The following MS4A4A variants were observed in gnomAD, a reference collection of about 807,000 sequenced individuals.
MS4A4A encodes membrane spanning 4-domains A4A.
A neutral mutation model predicts 28.0 loss-of-function variants in MS4A4A; 26 were observed. The observed-to-expected ratio is 0.93, with a 90% CI of 0.68 to 1.29. The LOEUF is 1.29. MS4A4A is among the 50% of genes most tolerant of loss of function. The pLI, the probability that MS4A4A is intolerant of heterozygous loss-of-function variation, is 0.00. For synonymous variants in MS4A4A, 86 were observed against 100.8 expected, an observed-to-expected ratio of 0.85 and a Z score of 0.88; for missense variants, 290 against 293.1, an observed-to-expected ratio of 0.99 and a Z score of 0.08.
At chr11:60,293,903 C>A (rs973851486) in intron 2 of MS4A4A, among the ~76,000 whole-genome samples, 13 of 152,164 alleles carry the variant, frequency 8.5e-5, no homozygotes, top group African/African-American at 3.1e-4. Context: ...CCAACTTTGG[C>A]AATTAGGAGT....
chr11:60,303,041 C>T (rs1196297367), intron 5 of MS4A4A, among the ~76,000 whole-genome samples: 1 of 152,168 alleles, frequency 6.6e-6, no homozygotes, highest in Non-Finnish European at 1.5e-5. Flanking sequence ...GTTATCCCCT[C>T]TAAAAATGGG....
intron 1 of MS4A4A, among the ~76,000 whole-genome samples, chr11:60,285,920 G>T (rs1267277022): frequency 6.6e-6 from 1 of 152,152 alleles, no homozygotes; most frequent in Non-Finnish European, 1.5e-5. Flanking sequence ...AATTCACCAG[G>T]CTGGAATTTC....
intron 1 of MS4A4A, among the ~76,000 whole-genome samples, chr11:60,291,669 G>A (rs901499079): frequency 2.6e-5 from 4 of 151,902 alleles, no homozygotes; most frequent in South Asian, 2.1e-4. Context: ...ATGGTGGCAC[G>A]CGCCTGTAGT....
chr11:60,294,703 CT>C (rs549856331), intron 2 of MS4A4A, among the ~76,000 whole-genome samples: 26 of 151,238 alleles, frequency 1.7e-4, no homozygotes, highest in Admixed American at 5.9e-4. Flanking sequence ...TTTTAAAATA[CT>C]TTTTTTTTCA....
rs796264615 is a variant in MS4A4A at position 60,300,631 on chromosome 11, A to AG, written c.331-370_331-369insG. ...ACTCCGTCTCAAAAAAAAAAAAAAA[A>AG]AAAAAAAAAAAATTCTAAATGAGAA... On this transcript the variant is annotated intron_variant, in intron 3 of 6. Transcript: ENST00000337908. 1.2e-3 allele frequency among the ~76,000 whole-genome samples: 165 copies of AG among 142,862 alleles called. 1 individual carries two copies. The highest frequency in any genetic ancestry group is 4.1e-3 in the East Asian group (20 of 4,858). 93.7% of individuals were successfully genotyped at this position (142,862 alleles called of 152,430 possible).
At chr11:60,280,811 T>C (rs1405003851) in intron 1 of MS4A4A, 95 bp downstream of exon 1, 5 of 1,436,040 alleles carry the variant, frequency 3.5e-6, no homozygotes, top group Non-Finnish European at 4.8e-6. Context: ...AGAAGAATAA[T>C]GAGGCCACTT....
intron 4 of MS4A4A, among the ~76,000 whole-genome samples, chr11:60,301,686 C>T (rs1382625315): frequency 6.6e-6 from 1 of 152,196 alleles, no homozygotes; most frequent in East Asian, 1.9e-4. Flanking sequence ...AACCCAACTC[C>T]CTAGTGTCCC....
intron 3 of MS4A4A, among the ~76,000 whole-genome samples, chr11:60,299,825 C>G (rs1439170190): frequency 6.6e-6 from 1 of 152,138 alleles, no homozygotes; most frequent in Non-Finnish European, 1.5e-5. Flanking sequence ...TATTAAATGT[C>G]CTAGCCTATC....
At chr11:60,291,529 G>T (rs1026183759) in intron 1 of MS4A4A, among the ~76,000 whole-genome samples, 20 of 152,092 alleles carry the variant, frequency 1.3e-4, no homozygotes, top group Admixed American at 1.2e-3. Flanking sequence ...GCTGGGTGCG[G>T]TGGCTCACAC....
intron 1 of MS4A4A, among the ~76,000 whole-genome samples, chr11:60,287,981 A>G (rs1004122485): frequency 6.6e-6 from 1 of 152,170 alleles, no homozygotes; most frequent in Non-Finnish European, 1.5e-5. Flanking sequence ...TCCTGCTCCC[A>G]TATCTTTGCT....
chr11:60,295,428 G>A lies in MS4A4A; in HGVS notation c.202-1769G>A, dbSNP rs115464399. Among the ~76,000 whole-genome samples the A allele has an allele frequency of 6.3e-3, 954 of 152,020 alleles. 8 individuals are homozygous for A. Among genetic ancestry groups the A allele is most frequent in the African/African-American group, 0.021 (884 of 41,514 alleles). On this transcript the variant is annotated intron_variant, in intron 2 of 6. Transcript: ENST00000337908. ...AGATTTTCTACACAGACATCATGTC[G>A]TCTGGGAACAAAGGCAGTTTTATTT... is the stretch of plus-strand genomic sequence containing the variant.
intron 6 of MS4A4A, among the ~76,000 whole-genome samples, chr11:60,306,416 C>T (rs921034006): frequency 2.0e-5 from 3 of 152,206 alleles, no homozygotes; most frequent in African/African-American, 7.2e-5. Context: ...CTTGGAGCTT[C>T]TGATTCTCTT....
At chr11:60,287,847 T>C (rs2084816412) in intron 1 of MS4A4A, among the ~76,000 whole-genome samples, 2 of 152,162 alleles carry the variant, frequency 1.3e-5, no homozygotes, top group African/African-American at 4.8e-5. Context: ...GAAAAAGGTG[T>C]AAGTGGTTTC....
intron 5 of MS4A4A, among the ~76,000 whole-genome samples, chr11:60,303,705 C>T (rs879718045): frequency 3.3e-5 from 5 of 151,930 alleles, no homozygotes; most frequent in Non-Finnish European, 7.4e-5. Context: ...GAGACTGCAT[C>T]TCAAAAAAAA....
chr11:60,284,495 G>A (rs1317885213), intron 1 of MS4A4A, among the ~76,000 whole-genome samples: 1 of 152,176 alleles, frequency 6.6e-6, no homozygotes, highest in Non-Finnish European at 1.5e-5. Context: ...TATATAATTG[G>A]TGAGAGCATG....
At chr11:60,289,687 A>G (rs754381587) in intron 1 of MS4A4A, among the ~76,000 whole-genome samples, 2 of 151,508 alleles carry the variant, frequency 1.3e-5, no homozygotes, top group Non-Finnish European at 2.9e-5. Flanking sequence ...TAGAATTCTA[A>G]TCAGACATAT....
Position 60,297,339 on chromosome 11 carries a change from C to T in MS4A4A, c.330+14C>T. On this transcript the variant is annotated intron_variant, in intron 3 of 6. Coordinates refer to ENST00000337908, the MANE Select transcript of MS4A4A (RefSeq NM_148975.3). ...GGGTCAGTAATGGTGAGTAGAGTAT[C>T]TTTTGATATAATTGAAGATAACATA... 6.2e-7 allele frequency: 1 copy of T among 1,611,898 alleles called. No individual in the cohort carries two copies.
intron 2 of MS4A4A, 21 bp downstream of exon 2, chr11:60,292,405 A>G (rs1387020120): frequency 6.3e-7 from 1 of 1,575,522 alleles, no homozygotes; most frequent in Non-Finnish European, 8.6e-7. Flanking sequence ...AATCTAGGGG[A>G]AGACCAATGG....
chr11:60,304,827 C>A (rs1290931959), intron 5 of MS4A4A, among the ~76,000 whole-genome samples: 1 of 152,196 alleles, frequency 6.6e-6, no homozygotes, highest in Admixed American at 6.5e-5. Context: ...GTCTACACTT[C>A]TAGATGGTAA....
Sources: allele counts gnomAD v4.1 joint callset (sites outside exome capture counted in the v4.1 genomes callset), GRCh38; gene constraint gnomAD v4.1.1; transcripts MANE v1.5; gene names NCBI Gene and HGNC (gene_info 2026-07-23, HGNC 2026-07-21).